Variants in NCAM1 observed in about 807,000 individuals in gnomAD.
NCAM1 encodes the protein antigen recognized by monoclonal antibody 5.1H11.
A neutral mutation model predicts 109.8 loss-of-function variants in NCAM1; 14 were observed. The ratio of observed to expected loss-of-function variants is 0.13; its 90% CI spans 0.08 to 0.20. The LOEUF is 0.20. Among genes scored for constraint, NCAM1 ranks in the 10% least tolerant of loss-of-function variants. The pLI is 1.00. For synonymous variants in NCAM1, 418 were observed against 442.9 expected, an observed-to-expected ratio of 0.94 and a Z score of 0.70; for missense variants, 774 against 1,109.9, an observed-to-expected ratio of 0.70 and a Z score of 4.30.
intron 17 of NCAM1, among the ~76,000 whole-genome samples, chr11:113,266,998 C>T (rs78793778): frequency 0.017 from 2,653 of 152,218 alleles, 58 homozygotes; most frequent in African/African-American, 0.051. Context: ...GGCCTCTGCT[C>T]GAGTGCCTTC....
intron 1 of NCAM1, among the ~76,000 whole-genome samples, chr11:113,097,968 G>A (rs1555090766): frequency 6.6e-6 from 1 of 152,094 alleles, no homozygotes; most frequent in East Asian, 1.9e-4. Context: ...CAAGCGCCAA[G>A]GCCTTTTATT....
chr11:113,010,888 G>T (rs1952030436), intron 1 of NCAM1, among the ~76,000 whole-genome samples: 1 of 152,152 alleles, frequency 6.6e-6, no homozygotes. Flanking sequence ...AGAAGCGGAG[G>T]AGTCATAAGA....
intron 1 of NCAM1, among the ~76,000 whole-genome samples, chr11:113,076,840 T>C (rs1244991654): frequency 6.6e-6 from 1 of 152,220 alleles, no homozygotes; most frequent in East Asian, 1.9e-4. Context: ...TTAATACTCT[T>C]GATTATGTAC....
chr11:113,084,117 A>C (rs965415776), intron 1 of NCAM1, among the ~76,000 whole-genome samples: 3 of 152,210 alleles, frequency 2.0e-5, no homozygotes, highest in Admixed American at 2.0e-4. Context: ...CCAAAGACAA[A>C]CTGTCTCAAT....
chr11:113,118,735 C>T (rs985274543), intron 1 of NCAM1, among the ~76,000 whole-genome samples: 11 of 114,250 alleles, frequency 9.6e-5, no homozygotes, highest in Admixed American at 2.8e-4. Context: ...GGAAGACAAA[C>T]GAATCTATAC....
chr11:113,089,573 AG>A, intron 1 of NCAM1, among the ~76,000 whole-genome samples: 1 of 152,260 alleles, frequency 6.6e-6, no homozygotes, highest in African/African-American at 2.4e-5. Flanking sequence ...TGAAACTACA[AG>A]CACACAGCAC....
intron 1 of NCAM1, among the ~76,000 whole-genome samples, chr11:112,969,691 C>A (rs1279510590): frequency 6.6e-6 from 1 of 152,066 alleles, no homozygotes; most frequent in African/African-American, 2.4e-5. Context: ...TAAAAAAGTT[C>A]CCTGTGGTCA....
intron 15 of NCAM1, among the ~76,000 whole-genome samples, chr11:113,249,112 T>C (rs1409663372): frequency 6.6e-6 from 1 of 152,202 alleles, no homozygotes; most frequent in East Asian, 1.9e-4. Context: ...TAATGATATT[T>C]TTTTTCTTTA....
intron 1 of NCAM1, among the ~76,000 whole-genome samples, chr11:113,053,503 G>A (rs759863958): frequency 6.6e-6 from 1 of 152,128 alleles, no homozygotes; most frequent in Non-Finnish European, 1.5e-5. Flanking sequence ...CACAATGGAT[G>A]AAGTAATTTA....
intron 1 of NCAM1, among the ~76,000 whole-genome samples, chr11:113,031,007 C>G (rs1952694921): frequency 6.6e-6 from 1 of 152,148 alleles, no homozygotes; most frequent in African/African-American, 2.4e-5. Flanking sequence ...TTGGTAATTA[C>G]ATTCTACACA....
At chr11:113,262,491 C>T (rs1056887861) in intron 17 of NCAM1, among the ~76,000 whole-genome samples, 11 of 152,204 alleles carry the variant, frequency 7.2e-5, no homozygotes, top group African/African-American at 2.2e-4. Context: ...TTCATTTGCT[C>T]GCTGATCCCT....
intron 1 of NCAM1, among the ~76,000 whole-genome samples, chr11:113,064,527 T>C (rs1555083907): frequency 6.6e-6 from 1 of 152,220 alleles, no homozygotes; most frequent in African/African-American, 2.4e-5. Flanking sequence ...TTTTTTATTA[T>C]TTATTAAATG....
At chr11:112,996,808 G>C (rs1309997875) in intron 1 of NCAM1, among the ~76,000 whole-genome samples, 1 of 152,168 alleles carries the variant, frequency 6.6e-6, no homozygotes, top group Non-Finnish European at 1.5e-5. Flanking sequence ...GAAAAAGTTG[G>C]AATGCAGGAT....
chr11:113,008,473 T>A (rs1243842011), intron 1 of NCAM1, among the ~76,000 whole-genome samples: 7 of 152,192 alleles, frequency 4.6e-5, no homozygotes, highest in African/African-American at 1.7e-4. Flanking sequence ...ATTTTAGTGG[T>A]CCACATGTCT....
chr11:113,172,692 T>C (rs935392762), intron 1 of NCAM1, among the ~76,000 whole-genome samples: 2 of 152,216 alleles, frequency 1.3e-5, no homozygotes, highest in Admixed American at 1.3e-4. Flanking sequence ...GTAAAGGAAG[T>C]AGAAATGAAT....
chr11:113,270,504 C>T (rs1318137397), intron 18 of NCAM1, 109 bp downstream of exon 18: 13 of 1,043,284 alleles, frequency 1.2e-5, no homozygotes, highest in South Asian at 9.1e-5. Context: ...TTTCATTGCA[C>T]GTTCTCCATT....
chr11:113,082,179 C>T lies in NCAM1; in HGVS notation c.53-120200C>T, dbSNP rs797036201. 5.9e-5 allele frequency among the ~76,000 whole-genome samples: 9 copies of T among 152,130 alleles called. No individual in the cohort carries two copies. In the South Asian group the frequency reaches 1.9e-3, roughly 32 times the overall value. ...TGTAAGACCAGTTGGTACTTCAGCT[C>T]GACAATGGCCAGTTATAATTGATAA... On this transcript the variant is annotated intron_variant, in intron 1 of 19. Coordinates refer to ENST00000316851, the MANE Select transcript of NCAM1 (RefSeq NM_181351.5).
intron 1 of NCAM1, among the ~76,000 whole-genome samples, chr11:113,011,217 G>GT (rs1410040327): frequency 2.1e-5 from 3 of 143,984 alleles, no homozygotes; most frequent in East Asian, 4.1e-4. Flanking sequence ...GCGGTGTTTG[G>GT]TTTTTTGTTC....
At chr11:113,106,892 T>C (rs1555092674) in intron 1 of NCAM1, among the ~76,000 whole-genome samples, 1 of 152,218 alleles carries the variant, frequency 6.6e-6, no homozygotes, top group East Asian at 1.9e-4. Flanking sequence ...GAGGCAGTTA[T>C]GTGGTGTGGA....
Sources: allele counts gnomAD v4.1 joint callset (sites outside exome capture counted in the v4.1 genomes callset), GRCh38; gene constraint gnomAD v4.1.1; transcripts MANE v1.5; gene names NCBI Gene and HGNC (gene_info 2026-07-23, HGNC 2026-07-21).